Variants in ATXN7L1 observed in about 807,000 individuals in gnomAD.
ATXN7L1 encodes ataxin-7-like protein 1.
ATXN7L1 carries 15 observed loss-of-function variants against 70.8 expected under a neutral mutation model. That is an observed-to-expected ratio of 0.21 (90% CI 0.14 to 0.33). The LOEUF is 0.33. Among genes scored for constraint, ATXN7L1 ranks in the 10% least tolerant of loss-of-function variants. The pLI, the probability that ATXN7L1 is intolerant of heterozygous loss-of-function variation, is 1.00. For missense variants in ATXN7L1, 975 were observed against 1,097.1 expected, an observed-to-expected ratio of 0.89 and a Z score of 1.57; for synonymous variants, 440 against 445.1, an observed-to-expected ratio of 0.99 and a Z score of 0.14.
At chr7:105,763,800 C>T (rs1203291023) in intron 3 of ATXN7L1, among the ~76,000 whole-genome samples, 4 of 151,884 alleles carry the variant, frequency 2.6e-5, no homozygotes, top group Middle Eastern at 6.8e-3. Context: ...ATCTGATAGT[C>T]ACTTCCTTCA....
At chr7:105,823,568 C>T (rs1810452151) in intron 2 of ATXN7L1, among the ~76,000 whole-genome samples, 1 of 152,224 alleles carries the variant, frequency 6.6e-6, no homozygotes. Flanking sequence ...CCATCCCCAG[C>T]AGTGCCTTGA....
chr7:105,660,443 C>T (rs1484397005), intron 4 of ATXN7L1, among the ~76,000 whole-genome samples: 1 of 141,830 alleles, frequency 7.1e-6, no homozygotes, highest in African/African-American at 2.8e-5. Context: ...GACACCCTTC[C>T]AACTCTCTTA....
chr7:105,619,021 C>G (rs1794344840), intron 9 of ATXN7L1, among the ~76,000 whole-genome samples: 1 of 151,932 alleles, frequency 6.6e-6, no homozygotes, highest in Non-Finnish European at 1.5e-5. Context: ...CAAAGACAAA[C>G]TTAACCAACT....
chr7:105,730,489 T>C (rs1164954079), intron 3 of ATXN7L1, among the ~76,000 whole-genome samples: 4 of 151,746 alleles, frequency 2.6e-5, no homozygotes, highest in Non-Finnish European at 1.5e-5. Context: ...TCCCAGCACT[T>C]TGGGAGGCCG....
chr7:105,747,412 A>ACT, intron 3 of ATXN7L1, among the ~76,000 whole-genome samples: 1 of 152,200 alleles, frequency 6.6e-6, no homozygotes, highest in Non-Finnish European at 1.5e-5. Context: ...AGGGTGGCAC[A>ACT]CTCTAGCTCC....
intron 2 of ATXN7L1, among the ~76,000 whole-genome samples, chr7:105,833,724 G>A (rs1811976045): frequency 1.3e-5 from 2 of 152,192 alleles, no homozygotes; most frequent in Admixed American, 6.5e-5. Context: ...TTAATGATAT[G>A]CATGCTGGAG....
At chr7:105,619,250 C>T (rs1196057564) in intron 9 of ATXN7L1, among the ~76,000 whole-genome samples, 21 of 137,164 alleles carry the variant, frequency 1.5e-4, no homozygotes, top group African/African-American at 8.2e-5. Flanking sequence ...CGGGTTCAAG[C>T]GATTCTCCTG....
chr7:105,755,890 C>G (rs926179805), intron 3 of ATXN7L1, among the ~76,000 whole-genome samples: 1 of 152,188 alleles, frequency 6.6e-6, no homozygotes. Context: ...AGGTAACCGT[C>G]ATGCAGGTGG....
chr7:105,775,013 GAAA>G (rs970627549), intron 3 of ATXN7L1, among the ~76,000 whole-genome samples: 1 of 148,042 alleles, frequency 6.8e-6, no homozygotes, highest in South Asian at 2.1e-4. Flanking sequence ...GCTTTCTCTG[GAAA>G]AAAAAAAGAT....
intron 9 of ATXN7L1, among the ~76,000 whole-genome samples, chr7:105,615,405 G>A (rs1012004918): frequency 1.3e-5 from 2 of 152,146 alleles, no homozygotes; most frequent in African/African-American, 4.8e-5. Context: ...GCATCCTCTC[G>A]CCTTTGCTGT....
chr7:105,757,838 C>T (rs1240318911), intron 3 of ATXN7L1, among the ~76,000 whole-genome samples: 15 of 151,840 alleles, frequency 9.9e-5, no homozygotes, highest in Admixed American at 9.8e-4. Flanking sequence ...AATCCTCCTG[C>T]CTCAGCCTCC....
At chr7:105,613,423 C>T (rs771683707) in intron 10 of ATXN7L1, 27 of 955,262 alleles carry the variant, frequency 2.8e-5, no homozygotes, top group Admixed American at 5.4e-5. Context: ...TTTAACCTGC[C>T]TGGGCCTCAA....
At position 105,871,964 on chromosome 7, in the gene ATXN7L1, T is replaced by C. The variant is rs115122085; in HGVS notation, c.250+3848A>G. The stretch of plus-strand genomic sequence containing the variant: ...CAAGTCCTTGCTGTGTCTTCTGAAG[T>C]TGTGGCCAGATAGAGGTAGAAACCA... On this transcript the variant is annotated intron_variant, in intron 2 of 11. Coordinates refer to ENST00000419735, the MANE Select transcript of ATXN7L1 (RefSeq NM_020725.2). Among the ~76,000 whole-genome samples the C allele has an allele frequency of 8.7e-3, 1,318 of 152,198 alleles. 19 individuals carry two copies. The highest frequency in any genetic ancestry group is 0.029 in the African/African-American group (1,186 of 41,504).
At chr7:105,650,014 A>G (rs554033093) in intron 4 of ATXN7L1, among the ~76,000 whole-genome samples, 74 of 152,344 alleles carry the variant, frequency 4.9e-4, no homozygotes, top group African/African-American at 1.6e-3. Flanking sequence ...AGTCATCCCC[A>G]ATAAAAAGGA....
chr7:105,677,199 C>T (rs1157666521), intron 3 of ATXN7L1, among the ~76,000 whole-genome samples: 1 of 152,216 alleles, frequency 6.6e-6, no homozygotes, highest in Non-Finnish European at 1.5e-5. Flanking sequence ...TTTTCATGCT[C>T]CATGAGCTTC....
intron 3 of ATXN7L1, among the ~76,000 whole-genome samples, chr7:105,778,782 A>G (rs1444337020): frequency 6.6e-6 from 1 of 152,092 alleles, no homozygotes; most frequent in Non-Finnish European, 1.5e-5. Flanking sequence ...TGTGGTACCC[A>G]CTCCATCTCT....
chr7:105,865,800 A>G (rs1205634099), intron 2 of ATXN7L1, among the ~76,000 whole-genome samples: 2 of 152,092 alleles, frequency 1.3e-5, no homozygotes, highest in Non-Finnish European at 2.9e-5. Context: ...GAACTTTTGC[A>G]TCTTCCCCAA....
At chr7:105,828,131 G>T (rs182976435) in intron 2 of ATXN7L1, among the ~76,000 whole-genome samples, 5 of 152,278 alleles carry the variant, frequency 3.3e-5, no homozygotes, top group Admixed American at 6.5e-5. Flanking sequence ...TGCCCCAAGG[G>T]TCAGGGATTG....
At chr7:105,633,164 G>A (rs1796854438) in intron 7 of ATXN7L1, among the ~76,000 whole-genome samples, 1 of 152,114 alleles carries the variant, frequency 6.6e-6, no homozygotes, top group Non-Finnish European at 1.5e-5. Flanking sequence ...AAGTGTGAGA[G>A]TAGAATAAAA....
Sources: gnomAD v4.1 joint callset for allele counts (sites outside exome capture counted in the v4.1 genomes callset) on GRCh38, gnomAD v4.1.1 for gene constraint, MANE v1.5 for transcripts, NCBI Gene and HGNC (gene_info 2026-07-23, HGNC 2026-07-21) for gene names.